The following MYO5A variants were observed in gnomAD, a reference collection of about 807,000 sequenced individuals.
MYO5A encodes the protein unconventional myosin-Va.
In MYO5A, 98 loss-of-function variants were observed where a neutral mutation model predicts 249.7. The observed-to-expected ratio is 0.39, with a 90% CI of 0.33 to 0.46. MYO5A has a LOEUF of 0.46. MYO5A is among the 20% of genes least tolerant of loss of function. The pLI, the probability that MYO5A is intolerant of heterozygous loss-of-function variation, is 0.98. For synonymous variants in MYO5A, 778 were observed against 810.6 expected (o/e 0.96, Z 0.68); for missense variants, 1,696 against 2,308.8 (o/e 0.73, Z 5.44).
chr15:52,527,371 CAT>C (rs2077747547), intron 1 of MYO5A, among the ~76,000 whole-genome samples: 1 of 151,630 alleles, frequency 6.6e-6, no homozygotes, highest in Non-Finnish European at 1.5e-5. Flanking sequence ...TGCATTCGTT[CAT>C]ATGTTAGAGA....
At chr15:52,418,406 C>T (rs2043620167) in intron 4 of MYO5A, among the ~76,000 whole-genome samples, 1 of 152,038 alleles carries the variant, frequency 6.6e-6, no homozygotes, top group Non-Finnish European at 1.5e-5. Flanking sequence ...ATAAAAGACT[C>T]TAGGGTCATA....
At chr15:52,450,865 T>TTTTTG (rs1555454735) in intron 1 of MYO5A, among the ~76,000 whole-genome samples, 5 of 90,914 alleles carry the variant, frequency 5.5e-5, no homozygotes, top group African/African-American at 2.7e-4. Flanking sequence ...TTTTTTTTTT[T>TTTTTG]GTGACAGGGT....
At chr15:52,477,266 C>T (rs1300870031) in intron 1 of MYO5A, among the ~76,000 whole-genome samples, 7 of 152,162 alleles carry the variant, frequency 4.6e-5, no homozygotes, top group Non-Finnish European at 5.9e-5. Flanking sequence ...GTCTTCTCTA[C>T]GCTGTTTACT....
chr15:52,428,766 T>C (rs565919534), intron 2 of MYO5A, among the ~76,000 whole-genome samples, 197 bp from the exon 3 acceptor site: 2 of 152,346 alleles, frequency 1.3e-5, no homozygotes, highest in East Asian at 3.8e-4. Flanking sequence ...CATACCAACC[T>C]GTATTAACAA....
intron 20 of MYO5A, among the ~76,000 whole-genome samples, chr15:52,374,810 GAATT>G (rs2041317267): frequency 1.3e-5 from 2 of 152,320 alleles, no homozygotes; most frequent in African/African-American, 4.8e-5. Flanking sequence ...AACTCTGAGA[GAATT>G]AATTTTGGCT....
chr15:52,492,707 T>C (rs371669469), intron 1 of MYO5A, among the ~76,000 whole-genome samples: 9 of 152,308 alleles, frequency 5.9e-5, no homozygotes, highest in East Asian at 1.9e-4. Context: ...TCTGCACAGA[T>C]ACACAGTGGA....
In MYO5A at chr15:52,319,329, C is replaced by T. The variant is rs1361523879; in HGVS notation, c.4965G>A (p.Leu1655=). The T allele has an allele frequency of 1.2e-6, 2 of 1,614,030 alleles. No individual in the cohort carries two copies. The highest frequency in any genetic ancestry group is 1.1e-5 in the South Asian group (1 of 91,084). ...ILQPMIVSGM[L]EHETIQGVSG... ...ACACGCCCTGAATCGTTTCATGTTCCAGCATGCCTGAGACTGCAGGAGTAT... is the reference window on the plus strand; with the variant it reads ...ACACGCCCTGAATCGTTTCATGTTCTAGCATGCCTGAGACTGCAGGAGTAT... Residue 1655 remains leucine (L), a synonymous_variant, in exon 39 of 42, where the codon CTG becomes CTA. Transcript: ENST00000399233.
At chr15:52,348,054 A>G (rs1213940675) in intron 29 of MYO5A, among the ~76,000 whole-genome samples, 3 of 152,234 alleles carry the variant, frequency 2.0e-5, no homozygotes, top group African/African-American at 7.2e-5. Context: ...CAAATTAACT[A>G]ATCCAAGAGA....
intron 5 of MYO5A, among the ~76,000 whole-genome samples, chr15:52,410,734 C>G (rs962257780): frequency 6.6e-6 from 1 of 152,018 alleles, no homozygotes; most frequent in Non-Finnish European, 1.5e-5. Context: ...CATGCCACCA[C>G]GCCCAGCTAA....
chr15:52,382,748 C>T lies in MYO5A; in HGVS notation c.2012+343G>A, dbSNP rs141946630. Among the ~76,000 whole-genome samples, 518 of 152,314 alleles carry T rather than the reference C, an allele frequency of 3.4e-3. 3 individuals are homozygous for T. Among genetic ancestry groups the T allele is most frequent in the Non-Finnish European group, 5.8e-3 (397 of 68,038 alleles). ...AAGCAGCAGGTAAGCATTCGCCAAA[C>T]AGCCTTATCCCAGCCAGTGCTGGTT... On this transcript the variant is annotated intron_variant, in intron 16 of 41. Coordinates refer to ENST00000399233, the MANE Select transcript of MYO5A (RefSeq NM_001382347.1).
intron 1 of MYO5A, among the ~76,000 whole-genome samples, chr15:52,458,289 A>C (rs1229308946): frequency 1.3e-5 from 2 of 152,210 alleles, no homozygotes; most frequent in African/African-American, 4.8e-5. Flanking sequence ...AGAAATGATA[A>C]ATGTGGCCGG....
At chr15:52,499,766 C>T (rs1369804177) in intron 1 of MYO5A, among the ~76,000 whole-genome samples, 1 of 152,208 alleles carries the variant, frequency 6.6e-6, no homozygotes, top group Admixed American at 6.5e-5. Flanking sequence ...CATCCTTTGG[C>T]CATTGTGAAT....
intron 34 of MYO5A, among the ~76,000 whole-genome samples, chr15:52,330,719 T>C (rs1056179265): frequency 9.8e-5 from 15 of 152,352 alleles, no homozygotes; most frequent in African/African-American, 3.4e-4. Context: ...CCTGCCTAAC[T>C]GTAAATTAAC....
upstream of MYO5A, chr15:52,528,942 C>CCCGGG (rs1172778908): frequency 1.5e-6 from 1 of 666,102 alleles, no homozygotes; most frequent in Non-Finnish European, 1.9e-6. Flanking sequence ...GGGAGGGCCG[C>CCCGGG]GCGGGGCGGG....
chr15:52,490,210 A>G (rs1398988732), intron 1 of MYO5A, among the ~76,000 whole-genome samples: 2 of 152,182 alleles, frequency 1.3e-5, no homozygotes, highest in Non-Finnish European at 2.9e-5. Context: ...TATAATTCCT[A>G]TATAACCGAG....
chr15:52,340,161 G>A (rs1260220751), intron 32 of MYO5A, 35 bp downstream of exon 32: 24 of 1,611,302 alleles, frequency 1.5e-5, no homozygotes, highest in East Asian at 2.2e-5. Context: ...GGCAGGCTAG[G>A]TTAAGAAGCA....
chr15:52,418,082 G>A (rs1413271922), intron 4 of MYO5A, among the ~76,000 whole-genome samples: 1 of 152,124 alleles, frequency 6.6e-6, no homozygotes, highest in Non-Finnish European at 1.5e-5. Flanking sequence ...AGTCAGGAAG[G>A]GTACATTCCA....
chr15:52,330,590 C>T lies in MYO5A; in HGVS notation c.4409-91G>A, dbSNP rs1302900540. 3.4e-6 allele frequency: 5 copies of T among 1,462,880 alleles called. No individual in the cohort carries two copies. The African/African-American group carries it at 5.7e-5, about 17-fold the overall frequency. The allele number at this position is 1,462,880 out of a possible 1,614,324, so 90.6% of individuals were successfully genotyped here. ...TTCCTATAATTTTGAATGCATTCTACAACAACCGAAACTTGCCATATTTGC... is the reference window on the plus strand; with the variant it reads ...TTCCTATAATTTTGAATGCATTCTATAACAACCGAAACTTGCCATATTTGC... On this transcript the variant is annotated intron_variant, in intron 34 of 41. Coordinates refer to ENST00000399233, the MANE Select transcript of MYO5A (RefSeq NM_001382347.1).
intron 1 of MYO5A, chr15:52,505,831 C>T (rs2077257744): frequency 6.3e-7 from 1 of 1,591,968 alleles, no homozygotes; most frequent in East Asian, 2.2e-5. Flanking sequence ...CTATGTGCAG[C>T]CCATGGATGT....
Sources: gnomAD v4.1 joint callset for allele counts (sites outside exome capture counted in the v4.1 genomes callset) on GRCh38, gnomAD v4.1.1 for gene constraint, MANE v1.5 for transcripts, NCBI Gene and HGNC (gene_info 2026-07-23, HGNC 2026-07-21) for gene names.